LYSMD4: variants seen among roughly 807,000 people sequenced by gnomAD.
The protein encoded by LYSMD4 is lysM and putative peptidoglycan-binding domain-containing protein 4.
Under a neutral mutation model 6.1 loss-of-function variants are expected in LYSMD4, and 9 were observed. That is an observed-to-expected ratio of 1.47 (90% CI 0.88 to 2.56). The LOEUF (loss-of-function observed/expected upper bound fraction) is 2.56, where lower values mean the gene tolerates loss of function less well. LYSMD4 is among the 30% of genes most tolerant of loss of function. LYSMD4 has a pLI of 0.00. For missense variants in LYSMD4, 384 were observed against 373.5 expected (o/e 1.03, Z -0.23); for synonymous variants, 143 against 148.5 (o/e 0.96, Z 0.27).
chr15:99,726,691 A>G (rs940522404), downstream of LYSMD4, among the ~76,000 whole-genome samples: 15 of 152,220 alleles, frequency 9.9e-5, no homozygotes, highest in African/African-American at 3.6e-4. Flanking sequence ...TTTGCTTGAC[A>G]ATGGAGATTC....
chr15:99,725,068 A>T (rs543420007), downstream of LYSMD4, among the ~76,000 whole-genome samples: 23 of 152,280 alleles, frequency 1.5e-4, no homozygotes, highest in Middle Eastern at 6.8e-3. Context: ...CTCTGGAAAT[A>T]AGCTTGGAAG....
At chr15:99,726,080 G>A (rs559131413), downstream of LYSMD4, among the ~76,000 whole-genome samples, 11 of 151,392 alleles carry the variant, frequency 7.3e-5, no homozygotes, top group East Asian at 2.1e-3. Context: ...CTTCCCCAAA[G>A]AGGAAATGGT....
rs8041089 is a variant in LYSMD4, at chr15:99,729,544, G to A, written c.470C>T (p.Ala157Val). The A allele has an allele frequency of 0.11, 184,568 of 1,613,902 alleles. 11,045 individuals are homozygous for A. The highest frequency in any genetic ancestry group is 0.18 in the Admixed American group (10,563 of 60,020). The change falls in exon 3 of 3, where the codon GCG becomes GTG. Residue 157 changes from alanine to valine, a missense_variant. Transcript: ENST00000684762. ...VELPEADRAG[A>V]GTGAQAGQLM... ...TTGGCCGGCCTGGGCACCGGTGCCC[G>A]CGCCTGCTCTGTCTGCCTCTGGCAG...
intron 2 of LYSMD4, chr15:99,731,452 T>C (rs1352614302): frequency 1.9e-6 from 3 of 1,605,048 alleles, no homozygotes; most frequent in Non-Finnish European, 2.5e-6. Context: ...TTTCAGAATT[T>C]CAGTGTGGAG....
chr15:99,726,671 T>C (rs1673054204), downstream of LYSMD4, among the ~76,000 whole-genome samples: 1 of 152,126 alleles, frequency 6.6e-6, no homozygotes, highest in South Asian at 2.1e-4. Context: ...AGAGTAAAAT[T>C]AAAGCATCAT....
At chr15:99,730,737 A>T (rs947308983) in intron 2 of LYSMD4, among the ~76,000 whole-genome samples, 6 of 152,212 alleles carry the variant, frequency 3.9e-5, no homozygotes, top group African/African-American at 1.4e-4. Flanking sequence ...TCAAATAGGA[A>T]AACTGATCAC....
At chr15:99,729,881 A>C in intron 2 of LYSMD4, 150 bp from the exon 3 acceptor site, 1 of 1,042,060 alleles carries the variant, frequency 9.6e-7, no homozygotes, top group Non-Finnish European at 1.3e-6. Context: ...GCTGTACACA[A>C]AGTTAGTTTA....
At chr15:99,719,771 G>C (rs975042274), upstream of LYSMD4, among the ~76,000 whole-genome samples, 1 of 152,282 alleles carries the variant, frequency 6.6e-6, no homozygotes, top group African/African-American at 2.4e-5. Flanking sequence ...GTTTTGCAAG[G>C]TATCGCCAAA....
rs1433558029 is a variant in LYSMD4, at chr15:99,729,692, G to A, written c.322C>T (p.Gln108Ter). 2.5e-6 allele frequency: 4 copies of A among 1,612,766 alleles called. No homozygotes were observed. The African/African-American group carries it at 5.3e-5, about 22-fold the overall frequency. The change falls in exon 3 of 3, where the codon CAA becomes TAA. Residue 108 changes from glutamine (Q) to a stop codon, truncating the protein, a stop_gained. Transcript: ENST00000684762. LOFTEE classifies it low-confidence loss of function (END_TRUNC). ...ACAGATTTCAAAGCATATAAGTCTT[G>A]TTCTCTGATGAAGTTGTTGACTTTC... ...IKKVNNFIRE[Q>*]DLYALKSVKI...
upstream of LYSMD4, among the ~76,000 whole-genome samples, chr15:99,718,828 T>A (rs1262333934): frequency 6.6e-6 from 1 of 152,164 alleles, no homozygotes; most frequent in Admixed American, 6.6e-5. Context: ...ATCTGGGCAA[T>A]AGATGTGCTT....
chr15:99,729,204 T>C lies in LYSMD4; in HGVS notation c.810A>G (p.Gln270=). 6.2e-7 allele frequency: 1 copy of C among 1,614,242 alleles called. No individual in the cohort carries two copies. Among genetic ancestry groups the C allele is most frequent in the East Asian group, 2.2e-5 (1 of 44,890 alleles). ...GCACTGCAACTGCTAGTCTGGGGGC[T>C]TGCCCTGGAACTGTACCCATTGCCA... is the stretch of plus-strand genomic sequence containing the variant. ...GSMAMGTVPG[Q]APRLAVAVPA... The change falls in exon 3 of 3, where the codon CAA becomes CAG. Residue 270 remains glutamine (Q), a synonymous_variant. Coordinates refer to ENST00000684762, the MANE Select transcript of LYSMD4 (RefSeq NM_001284417.2).
chr15:99,730,251 T>C (rs760088152), intron 2 of LYSMD4, among the ~76,000 whole-genome samples: 17 of 152,260 alleles, frequency 1.1e-4, no homozygotes, highest in Non-Finnish European at 1.8e-4. Context: ...AGTTGACAGA[T>C]ATGCCCTCGG....
intron 2 of LYSMD4, 105 bp downstream of exon 2, chr15:99,731,613 G>A: frequency 1.3e-6 from 2 of 1,522,916 alleles, no homozygotes; most frequent in Admixed American, 2.2e-5. Context: ...GGCCTCTCCT[G>A]ACGGCCTGGC....
downstream of LYSMD4, among the ~76,000 whole-genome samples, chr15:99,724,068 C>T (rs1013959206): frequency 2.4e-4 from 37 of 151,088 alleles, 2 homozygotes; most frequent in African/African-American, 9.2e-4. Context: ...TCTAGGCCTT[C>T]GCTCACACTG....
At chr15:99,719,683 T>C (rs1189547972), upstream of LYSMD4, among the ~76,000 whole-genome samples, 1 of 152,146 alleles carries the variant, frequency 6.6e-6, no homozygotes, top group Non-Finnish European at 1.5e-5. Context: ...GCCCTACACA[T>C]GCGTATATTT....
chr15:99,719,816 C>T (rs542952557), upstream of LYSMD4, among the ~76,000 whole-genome samples: 20 of 152,324 alleles, frequency 1.3e-4, no homozygotes, highest in South Asian at 3.9e-3. Flanking sequence ...TGCATTTCCT[C>T]CAGCGGTGTA....
downstream of LYSMD4, among the ~76,000 whole-genome samples, chr15:99,726,893 G>A (rs149116615): frequency 4.3e-4 from 66 of 152,216 alleles, no homozygotes; most frequent in African/African-American, 1.4e-3. Flanking sequence ...ATCAATCAGT[G>A]ATCAATCATC....
chr15:99,731,232 T>C (rs766395476), intron 2 of LYSMD4: 47 of 1,610,642 alleles, frequency 2.9e-5, no homozygotes, highest in East Asian at 8.9e-5. Flanking sequence ...CAGGGTTATA[T>C]AGATACACAG....
At chr15:99,732,282 C>G (rs946167989) in intron 1 of LYSMD4, among the ~76,000 whole-genome samples, 2 of 152,150 alleles carry the variant, frequency 1.3e-5, no homozygotes, top group South Asian at 4.1e-4. Flanking sequence ...CTCCCCTAAA[C>G]CCACATCTGT....
Sources: allele counts gnomAD v4.1 joint callset (sites outside exome capture counted in the v4.1 genomes callset), GRCh38; gene constraint gnomAD v4.1.1; transcripts MANE v1.5; gene names NCBI Gene and HGNC (gene_info 2026-07-23, HGNC 2026-07-21).